Variants in IARS1 observed in about 807,000 individuals in gnomAD.
IARS1 encodes isoleucyl-tRNA synthetase 1.
A neutral mutation model predicts 168.2 loss-of-function variants in IARS1; 124 were observed. The observed-to-expected ratio is 0.74, with a 90% CI of 0.64 to 0.86. The LOEUF is 0.86. IARS1 is among the 40% of genes least tolerant of loss of function. The pLI is 0.00. For synonymous variants in IARS1, 532 were observed against 529.4 expected, an observed-to-expected ratio of 1.00 and a Z score of -0.07; for missense variants, 1,452 against 1,515.8, an observed-to-expected ratio of 0.96 and a Z score of 0.70.
chr9:92,266,835 G>A (rs1832351030), intron 14 of IARS1, among the ~76,000 whole-genome samples: 1 of 152,198 alleles, frequency 6.6e-6, no homozygotes, highest in Non-Finnish European at 1.5e-5. Context: ...ACATGCAGAT[G>A]TCTAGTCTTC....
intron 20 of IARS1, among the ~76,000 whole-genome samples, chr9:92,255,534 C>T (rs1415095727): frequency 2.0e-5 from 3 of 152,216 alleles, no homozygotes; most frequent in Non-Finnish European, 4.4e-5. Flanking sequence ...AACGAACTCA[C>T]TGTTGTTAGT....
intron 31 of IARS1, among the ~76,000 whole-genome samples, chr9:92,226,215 C>G (rs768271514): frequency 2.6e-5 from 4 of 152,206 alleles, no homozygotes; most frequent in African/African-American, 9.7e-5. Context: ...CTTCTCCTAT[C>G]CAACCTTTAA....
chr9:92,217,636 C>A (rs1470284703), intron 33 of IARS1, among the ~76,000 whole-genome samples: 1 of 151,654 alleles, frequency 6.6e-6, no homozygotes, highest in African/African-American at 2.4e-5. Flanking sequence ...TCAGAGAATA[C>A]TACAAACACC....
Position 92,268,363 on chromosome 9 carries a change from A to G in IARS1, c.1305-63T>C, listed in dbSNP as rs1323410524. On this transcript the variant is annotated intron_variant, in intron 13 of 33. Transcript: ENST00000443024. ...TATGGAAAAATTCAACATGTAAATAATACCCACAGGAGCCTTTGTATAACG... is the reference window on the plus strand; with the variant it reads ...TATGGAAAAATTCAACATGTAAATAGTACCCACAGGAGCCTTTGTATAACG... The G allele has an allele frequency of 1.9e-6, 3 of 1,540,542 alleles. No individual in the cohort carries two copies. In the East Asian group the frequency reaches 6.9e-5, roughly 36 times the overall value.
chr9:92,263,253 C>T (rs551065997), intron 16 of IARS1, among the ~76,000 whole-genome samples, 198 bp from the exon 17 acceptor site: 7 of 152,158 alleles, frequency 4.6e-5, no homozygotes, highest in African/African-American at 9.7e-5. Flanking sequence ...TTGAAATAAA[C>T]GTCTGGAATG....
Position 92,242,896 on chromosome 9 carries a change from C to T in IARS1, c.3000+320G>A, listed in dbSNP as rs1482791823. 3 of 297,738 alleles carry T rather than the reference C, an allele frequency of 1.0e-5. No homozygotes were observed. The East Asian group carries it at 2.5e-4, about 25-fold the overall frequency. 18.4% of individuals were successfully genotyped at this position (297,738 alleles called of 1,614,324 possible). On this transcript the variant is annotated intron_variant, in intron 28 of 33. Transcript: ENST00000443024. ...AGAAGCCTGTCTATGCTGACTGCAC[C>T]TCTGCCCTTCTGCAAAGACACTATC...
At chr9:92,265,377 C>CTA in intron 15 of IARS1, 103 bp downstream of exon 15, 1 of 1,098,604 alleles carries the variant, frequency 9.1e-7, no homozygotes. Context: ...CAAAGTAATT[C>CTA]AGCAAGCTAG....
At chr9:92,242,359 G>A (rs775223103) in intron 28 of IARS1, 29 bp from the exon 29 acceptor site, 1 of 1,575,036 alleles carries the variant, frequency 6.3e-7, no homozygotes, top group South Asian at 1.1e-5. Flanking sequence ...AAATTTAAAA[G>A]GGAAGTACAT....
At chr9:92,275,285 G>A (rs1046844673) in intron 9 of IARS1, among the ~76,000 whole-genome samples, 3 of 152,190 alleles carry the variant, frequency 2.0e-5, no homozygotes, top group African/African-American at 7.2e-5. Context: ...TATTCTGGCT[G>A]TATTTGCATT....
In IARS1 at chr9:92,245,017, T is replaced by C; in HGVS notation, c.2846A>G (p.Tyr949Cys). 1 of 1,614,192 alleles carries C rather than the reference T, an allele frequency of 6.2e-7. No individual in the cohort carries two copies. Among genetic ancestry groups the C allele is most frequent in the Non-Finnish European group, 8.5e-7 (1 of 1,180,032 alleles). ...ELHDEDIRLM[Y>C]TFDQATGGTA... is the part of the protein sequence containing the mutation. ...CCCACCTGTGGCCTGATCAAAGGTGTACATGAGGCGGATGTCTTCATCGTG... is the reference window on the plus strand; with the variant it reads ...CCCACCTGTGGCCTGATCAAAGGTGCACATGAGGCGGATGTCTTCATCGTG... The change falls in exon 27 of 34, where the codon TAC (tyrosine) becomes TGC (cysteine). Residue 949 changes from tyrosine to cysteine, a missense_variant. By Grantham distance (194) the Tyr-to-Cys change is radical. Coordinates refer to ENST00000443024, the MANE Select transcript of IARS1 (RefSeq NM_002161.6).
chr9:92,278,106 G>A, intron 8 of IARS1, 93 bp downstream of exon 8: 1 of 1,108,002 alleles, frequency 9.0e-7, no homozygotes, highest in Non-Finnish European at 1.4e-6. Flanking sequence ...AATAATGCAA[G>A]CTTTTGGATA....
At position 92,223,334 on chromosome 9, in the gene IARS1, G is replaced by A. The variant is rs1371576845; in HGVS notation, c.3553+12C>T. On this transcript the variant is annotated intron_variant, in intron 32 of 33. Transcript: ENST00000443024. ...GCACCCCACAGTCTGCCTGCTGTGG[G>A]GAGGCACATACCTTGTGGCTTTGCA... The A allele has an allele frequency of 1.3e-6, 2 of 1,595,948 alleles. No individual in the cohort carries two copies. The highest frequency in any genetic ancestry group is 1.7e-6 in the Non-Finnish European group (2 of 1,168,098).
chr9:92,281,731 A>C (rs906187243), intron 6 of IARS1, among the ~76,000 whole-genome samples: 59 of 151,674 alleles, frequency 3.9e-4, no homozygotes, highest in Admixed American at 1.4e-3. Flanking sequence ...TAAGGTAGGA[A>C]AAAAAAAATC....
chr9:92,279,098 C>T (rs549686996), intron 7 of IARS1, among the ~76,000 whole-genome samples: 1 of 152,258 alleles, frequency 6.6e-6, no homozygotes, highest in East Asian at 1.9e-4. Flanking sequence ...TGATATTACA[C>T]ATCTGAGATT....
rs1267281384 is a variant in IARS1, at chr9:92,278,212, C to G, written c.820G>C (p.Glu274Gln). The G allele has an allele frequency of 1.3e-6, 2 of 1,599,088 alleles. No individual in the cohort carries two copies. Among genetic ancestry groups the G allele is most frequent in the African/African-American group, 2.7e-5 (2 of 74,760 alleles). ...SALYKLESDY[E>Q]ILERFPGAYL... Reference sequence around the variant, plus strand: ...TTGAATATTCACCTTTCAAGGATCTCATAGTCACTCTCCAATTTATAGAGG... The same window carrying G: ...TTGAATATTCACCTTTCAAGGATCTGATAGTCACTCTCCAATTTATAGAGG... Residue 274 changes from glutamate (E) to glutamine (Q), a missense_variant, in exon 8 of 34, where the codon GAG (glutamate) becomes CAG (glutamine). Coordinates refer to ENST00000443024, the MANE Select transcript of IARS1 (RefSeq NM_002161.6).
intron 31 of IARS1, among the ~76,000 whole-genome samples, chr9:92,226,465 T>C (rs1358738808): frequency 2.0e-5 from 3 of 152,228 alleles, no homozygotes; most frequent in Non-Finnish European, 4.4e-5. Context: ...TTTTAAGTTA[T>C]TTAAAAGTTT....
intron 10 of IARS1, among the ~76,000 whole-genome samples, chr9:92,272,595 A>AC (rs1457037892): frequency 6.6e-6 from 1 of 152,184 alleles, no homozygotes; most frequent in Non-Finnish European, 1.5e-5. Context: ...CACGCCTGTA[A>AC]CCCCAGCACT....
chr9:92,243,731 C>T (rs1458423832), intron 27 of IARS1, among the ~76,000 whole-genome samples: 1 of 152,218 alleles, frequency 6.6e-6, no homozygotes, highest in African/African-American at 2.4e-5. Flanking sequence ...GCGCAGTCAA[C>T]TCCAAGTGAC....
intron 1 of IARS1, among the ~76,000 whole-genome samples, chr9:92,291,667 C>T (rs1422699452): frequency 6.6e-6 from 1 of 152,190 alleles, no homozygotes; most frequent in East Asian, 1.9e-4. Context: ...TGTGCATTTA[C>T]TGATTTATTT....
Sources: gnomAD v4.1 joint callset for allele counts (sites outside exome capture counted in the v4.1 genomes callset) on GRCh38, gnomAD v4.1.1 for gene constraint, MANE v1.5 for transcripts, NCBI Gene and HGNC (gene_info 2026-07-23, HGNC 2026-07-21) for gene names.